PTPRQ: variants seen among roughly 807,000 people sequenced by gnomAD.
The protein encoded by PTPRQ is phosphatidylinositol phosphatase PTPRQ.
In PTPRQ, 199 loss-of-function variants were observed where a neutral mutation model predicts 246.0. That is an observed-to-expected ratio of 0.81 (90% CI 0.72 to 0.91). PTPRQ has a LOEUF of 0.91. Ranked by LOEUF, PTPRQ falls within the 40% of genes least tolerant of loss-of-function variation. The probability of loss-of-function intolerance (pLI) is 0.00; values close to 1 mark genes in which losing one functional copy is unlikely to be tolerated. For missense variants in PTPRQ, 2,624 were observed against 2,528.4 expected (o/e 1.04, Z -0.81); for synonymous variants, 869 against 853.2 (o/e 1.02, Z -0.32).
At chr12:80,600,867 A>T (rs190269721) in intron 26 of PTPRQ, among the ~76,000 whole-genome samples, 3 of 151,628 alleles carry the variant, frequency 2.0e-5, no homozygotes, top group Non-Finnish European at 4.4e-5. Context: ...ACGGCCTTAC[A>T]TTTTCTGGCC....
intron 9 of PTPRQ, among the ~76,000 whole-genome samples, chr12:80,489,920 A>G (rs1894392000): frequency 6.6e-6 from 1 of 151,890 alleles, no homozygotes; most frequent in African/African-American, 2.4e-5. Flanking sequence ...TCTGAGATTG[A>G]TATAGATGCA....
At chr12:80,484,718 C>G in intron 9 of PTPRQ, 113 bp downstream of exon 9, 1 of 1,278,358 alleles carries the variant, frequency 7.8e-7, no homozygotes, top group Non-Finnish European at 1.0e-6. Flanking sequence ...CTTACTAGTA[C>G]AAAGTAAAGT....
At position 80,640,306 on chromosome 12, in the gene PTPRQ, T is replaced by C. The variant is rs117547411; in HGVS notation, c.5915+5233T>C. On this transcript the variant is annotated intron_variant, in intron 35 of 44. Transcript: ENST00000644991. ...GTAATTTTTATTTTGGCTTCAATAA[T>C]AACTCATAATTTTTGACTGATATAT... Among the ~76,000 whole-genome samples the C allele has an allele frequency of 1.7e-3, 254 of 152,332 alleles. 2 individuals carry two copies. In the East Asian group the frequency reaches 0.025, roughly 15 times the overall value.
Position 80,496,558 on chromosome 12 carries a change from TA to T in PTPRQ, c.2272+29del, listed in dbSNP as rs538342431. ...TGAGCTTTTGTTTTCTTTGTTTGTT[TA>T]ATAATACACAGTGATATAGTAAGCA... On this transcript the variant is annotated intron_variant, in intron 14 of 44. Transcript: ENST00000644991. The T allele has an allele frequency of 1.3e-4, 201 of 1,532,942 alleles. 1 individual carries two copies. The South Asian group carries it at 2.4e-3, about 18-fold the overall frequency. 95.0% of individuals were successfully genotyped at this position (1,532,942 alleles called of 1,614,324 possible). A position where few individuals can be genotyped will look rare whatever the true frequency, so the allele number is the denominator to read the frequency against.
At chr12:80,572,514 T>G (rs930993069) in intron 25 of PTPRQ, among the ~76,000 whole-genome samples, 1 of 152,178 alleles carries the variant, frequency 6.6e-6, no homozygotes, top group Non-Finnish European at 1.5e-5. Flanking sequence ...TTGTTTGTTT[T>G]GCCTTATAGC....
chr12:80,584,970 C>T (rs541913335), intron 25 of PTPRQ, among the ~76,000 whole-genome samples: 4 of 150,916 alleles, frequency 2.7e-5, no homozygotes, highest in East Asian at 1.9e-4. Flanking sequence ...AAATAGTGTG[C>T]CAGTTTTGGT....
chr12:80,531,875 C>CTA (rs1182796938), intron 17 of PTPRQ, among the ~76,000 whole-genome samples: 2 of 152,044 alleles, frequency 1.3e-5, no homozygotes, highest in African/African-American at 2.4e-5. Context: ...GATGTTGAAA[C>CTA]TATATATATG....
intron 25 of PTPRQ, among the ~76,000 whole-genome samples, chr12:80,585,884 TC>T (rs1366363941): frequency 1.8e-5 from 1 of 54,102 alleles, no homozygotes; most frequent in Non-Finnish European, 3.3e-5. Flanking sequence ...CCCTCCCCCC[TC>T]CCCCCACCCC....
At chr12:80,604,972 A>G (rs1025768566) in intron 26 of PTPRQ, 87 bp from the exon 27 acceptor site, 2 of 1,270,398 alleles carry the variant, frequency 1.6e-6, no homozygotes, top group Non-Finnish European at 1.0e-6. Flanking sequence ...TATTATGACT[A>G]TCCATTTTTC....
intron 25 of PTPRQ, among the ~76,000 whole-genome samples, chr12:80,584,711 A>G (rs1897554161): frequency 6.6e-6 from 1 of 152,166 alleles, no homozygotes; most frequent in South Asian, 2.1e-4. Context: ...CTCATGTGCC[A>G]TCTCTTCTCT....
At chr12:80,659,999 C>T (rs922121641) in intron 39 of PTPRQ, among the ~76,000 whole-genome samples, 4 of 151,984 alleles carry the variant, frequency 2.6e-5, no homozygotes, top group Admixed American at 2.0e-4. Flanking sequence ...TTTCCACCTA[C>T]GTATTCCTAC....
chr12:80,605,415 G>A (rs1306017374), intron 27 of PTPRQ, among the ~76,000 whole-genome samples: 1 of 151,146 alleles, frequency 6.6e-6, no homozygotes, highest in East Asian at 1.9e-4. Flanking sequence ...TATGGTAAAT[G>A]CTCAATAAAT....
rs1269885756 is a variant in PTPRQ, at chr12:80,506,819, A to G, written c.2557+149A>G. 358 of 565,958 alleles carry G rather than the reference A, an allele frequency of 6.3e-4. 2 individuals carry two copies. Among genetic ancestry groups the G allele is most frequent in the Non-Finnish European group, 3.1e-5 (11 of 354,226 alleles). The allele number at this position is 565,958 out of a possible 1,614,324, so 35.1% of individuals were successfully genotyped here. Reference sequence around the variant, plus strand: ...TATACAGAGATTTCATTGTCATGGTATAAAAGAAGCTAGCAACATCAGATT... The same window carrying G: ...TATACAGAGATTTCATTGTCATGGTGTAAAAGAAGCTAGCAACATCAGATT... On this transcript the variant is annotated intron_variant, in intron 16 of 44. Transcript: ENST00000644991.
chr12:80,556,983 G>A (rs1896664705), intron 25 of PTPRQ, among the ~76,000 whole-genome samples: 2 of 152,130 alleles, frequency 1.3e-5, no homozygotes, highest in Non-Finnish European at 2.9e-5. Context: ...GTTTGAATCT[G>A]TTATAATAGA....
intron 19 of PTPRQ, among the ~76,000 whole-genome samples, chr12:80,537,558 T>A (rs1340744161): frequency 6.6e-6 from 1 of 152,194 alleles, no homozygotes; most frequent in Non-Finnish European, 1.5e-5. Flanking sequence ...ATTGAAAGAT[T>A]TAAAAAATAT....
intron 26 of PTPRQ, among the ~76,000 whole-genome samples, chr12:80,597,727 C>T (rs1898015258): frequency 4.6e-5 from 7 of 151,902 alleles, no homozygotes; most frequent in Admixed American, 4.6e-4. Context: ...GAACTACAGT[C>T]ATTACAACCA....
chr12:80,542,551 AC>A (rs1204552890), intron 22 of PTPRQ, among the ~76,000 whole-genome samples, 178 bp from the exon 23 acceptor site: 3 of 152,134 alleles, frequency 2.0e-5, no homozygotes, highest in Non-Finnish European at 4.4e-5. Flanking sequence ...GTTTAAAGCT[AC>A]TTTGGAACTA....
At position 80,648,074 on chromosome 12, in the gene PTPRQ, AT is replaced by A. The variant is rs907270380; in HGVS notation, c.5916-815del. The stretch of plus-strand genomic sequence containing the variant: ...TTTATTATGCTCTGTTTTTCAAACC[AT>A]TTTTTTTCTTTTATTCATTCTTTGC... On this transcript the variant is annotated intron_variant, in intron 35 of 44. Coordinates refer to ENST00000644991, the MANE Select transcript of PTPRQ (RefSeq NM_001145026.2). Among the ~76,000 whole-genome samples, 36 of 151,820 alleles carry A rather than the reference AT, an allele frequency of 2.4e-4. No individual in the cohort carries two copies. The East Asian group carries it at 2.7e-3, about 11-fold the overall frequency.
intron 17 of PTPRQ, among the ~76,000 whole-genome samples, chr12:80,513,253 GGGA>G: frequency 6.6e-6 from 1 of 152,182 alleles, no homozygotes; most frequent in Non-Finnish European, 1.5e-5. Flanking sequence ...CAGCAGAGGG[GGGA>G]GCCAGAGGGA....
Sources: gnomAD v4.1 joint callset for allele counts (sites outside exome capture counted in the v4.1 genomes callset) on GRCh38, gnomAD v4.1.1 for gene constraint, MANE v1.5 for transcripts, NCBI Gene and HGNC (gene_info 2026-07-23, HGNC 2026-07-21) for gene names.